The following PRODH2 variants were observed in gnomAD, a reference collection of about 807,000 sequenced individuals.
PRODH2 encodes proline dehydrogenase 2.
Under a neutral mutation model 51.9 loss-of-function variants are expected in PRODH2, and 49 were observed. That is an observed-to-expected ratio of 0.94 (90% CI 0.75 to 1.20). The LOEUF is 1.20. PRODH2 is among the 50% of genes most tolerant of loss of function. The pLI is 0.00. For missense variants in PRODH2, 597 were observed against 610.9 expected (o/e 0.98, Z 0.24); for synonymous variants, 249 against 260.7 (o/e 0.96, Z 0.43).
intron 4 of PRODH2, among the ~76,000 whole-genome samples, chr19:35,808,558 C>T (rs932940758): frequency 6.6e-6 from 1 of 152,036 alleles, no homozygotes; most frequent in African/African-American, 2.4e-5. Flanking sequence ...TAGTCTTAGG[C>T]CCTCAGGGAG....
chr19:35,801,002 A>C (rs1266270040), intron 9 of PRODH2, among the ~76,000 whole-genome samples: 1 of 152,144 alleles, frequency 6.6e-6, no homozygotes, highest in Non-Finnish European at 1.5e-5. Context: ...CCCCGTCTCT[A>C]CTAAAAATAC....
intron 4 of PRODH2, among the ~76,000 whole-genome samples, chr19:35,808,912 T>G (rs921633179): frequency 2.7e-5 from 4 of 150,910 alleles, no homozygotes; most frequent in Non-Finnish European, 5.9e-5. Context: ...CCTGATTAAC[T>G]GGGGCTACAG....
At chr19:35,811,041 A>C (rs965453125) in intron 4 of PRODH2, among the ~76,000 whole-genome samples, 9 of 152,184 alleles carry the variant, frequency 5.9e-5, no homozygotes, top group African/African-American at 2.2e-4. Flanking sequence ...GCACCAAAAA[A>C]TAAGATGGAT....
At chr19:35,809,975 A>AC (rs1972580772) in intron 4 of PRODH2, among the ~76,000 whole-genome samples, 1 of 134,472 alleles carries the variant, frequency 7.4e-6, no homozygotes, top group African/African-American at 2.8e-5. Flanking sequence ...AAAAAAAAAA[A>AC]AAAAAAAAAA....
chr19:35,802,613 G>GTGCA (rs1739420663), intron 8 of PRODH2: 1 of 447,022 alleles, frequency 2.2e-6, no homozygotes, highest in Admixed American at 3.4e-5. Context: ...CCAGGCTGGA[G>GTGCA]TGCAGTGGCT....
intron 9 of PRODH2, among the ~76,000 whole-genome samples, chr19:35,800,543 C>A (rs1376543657): frequency 1.3e-5 from 2 of 152,188 alleles, no homozygotes. Flanking sequence ...GCCACCATGC[C>A]CAGCCTGGAG....
intron 9 of PRODH2, among the ~76,000 whole-genome samples, chr19:35,801,571 A>G (rs1335786078): frequency 6.6e-6 from 1 of 152,188 alleles, no homozygotes; most frequent in Admixed American, 6.6e-5. Flanking sequence ...CCGAGGTGCT[A>G]TCTGATGAAT....
At chr19:35,800,886 A>G (rs567978759) in intron 9 of PRODH2, among the ~76,000 whole-genome samples, 5 of 151,996 alleles carry the variant, frequency 3.3e-5, no homozygotes, top group African/African-American at 9.6e-5. Flanking sequence ...TCAATTGATT[A>G]ATTAATTAAT....
chr19:35,812,638 C>A lies in PRODH2; in HGVS notation c.168G>T (p.Gly56=). ...CCTCAGGATCACTGCTCACCAACAG[C>A]CCGTGAGTGACGAGTGGGGGCCAGG... ...LCAWPPLVTH[G]LLLQAWSRRL... Residue 56 remains glycine (G), a synonymous_variant, in exon 1 of 10, where the codon GGG becomes GGT. Transcript: ENST00000653904. 1 of 1,593,104 alleles carries A rather than the reference C, an allele frequency of 6.3e-7. No homozygotes were observed. Among genetic ancestry groups the A allele is most frequent in the Non-Finnish European group, 8.6e-7 (1 of 1,166,830 alleles).
chr19:35,809,945 C>A (rs773258092), intron 4 of PRODH2, among the ~76,000 whole-genome samples: 95 of 104,208 alleles, frequency 9.1e-4, no homozygotes, highest in Middle Eastern at 0.021. Context: ...GGCAACAGAG[C>A]CAGATGCCGC....
chr19:35,800,398 G>A (rs542975170), intron 9 of PRODH2, among the ~76,000 whole-genome samples, 176 bp from the exon 10 acceptor site: 8 of 152,232 alleles, frequency 5.3e-5, no homozygotes, highest in African/African-American at 1.4e-4. Context: ...ATAGGCGCTT[G>A]CCACGACGCC....
chr19:35,804,114 C>A (rs987367322), intron 7 of PRODH2, among the ~76,000 whole-genome samples: 9 of 152,182 alleles, frequency 5.9e-5, no homozygotes, highest in Non-Finnish European at 1.0e-4. Context: ...CTAAGGTGGC[C>A]CCTCTCCTTC....
chr19:35,802,368 T>A, intron 8 of PRODH2, 92 bp from the exon 9 acceptor site: 2 of 1,084,092 alleles, frequency 1.8e-6, no homozygotes, highest in South Asian at 1.2e-5. Flanking sequence ...CTCCAGTAAT[T>A]CAAACATTGA....
Position 35,800,158 on chromosome 19 carries a change from G to A in PRODH2, c.1263C>T (p.Tyr421=). The A allele has an allele frequency of 6.2e-7, 1 of 1,604,774 alleles. No individual in the cohort carries two copies. The highest frequency in any genetic ancestry group is 8.5e-7 in the Non-Finnish European group (1 of 1,175,476). ...PYGSLEEVIP[Y]LIRRAQENRS... ...GGTTCTCCTGGGCCCTCCGGATCAG[G>A]TAGGGGATTACCTCCTCCAAGGAGC... The change falls in exon 10 of 10, where the codon TAC becomes TAT. Residue 421 remains tyrosine, a synonymous_variant. Transcript: ENST00000653904.
chr19:35,804,091 T>C (rs1291453704), intron 7 of PRODH2, among the ~76,000 whole-genome samples: 1 of 152,212 alleles, frequency 6.6e-6, no homozygotes, highest in Non-Finnish European at 1.5e-5. Context: ...GTTCTGTGTG[T>C]GGCCACAGCT....
intron 7 of PRODH2, among the ~76,000 whole-genome samples, chr19:35,804,935 C>T (rs1796233017): frequency 1.3e-5 from 2 of 151,884 alleles, no homozygotes; most frequent in African/African-American, 2.4e-5. Context: ...GACCCTGTCT[C>T]AAAAATAACT....
At chr19:35,804,773 C>T (rs1339212979) in intron 7 of PRODH2, among the ~76,000 whole-genome samples, 1 of 151,996 alleles carries the variant, frequency 6.6e-6, no homozygotes, top group East Asian at 1.9e-4. Context: ...CCCGTGTCTA[C>T]AAAAATAAAA....
chr19:35,808,134 G>A (rs141741966), intron 4 of PRODH2, among the ~76,000 whole-genome samples: 3 of 152,130 alleles, frequency 2.0e-5, no homozygotes, highest in Non-Finnish European at 4.4e-5. Flanking sequence ...ATGCTTCCTC[G>A]GCCCCTAGCA....
intron 7 of PRODH2, 43 bp downstream of exon 7, chr19:35,806,387 A>G: frequency 1.2e-6 from 2 of 1,609,254 alleles, no homozygotes. Context: ...CCCAACCACT[A>G]GGTGTTATTA....
Sources: allele counts gnomAD v4.1 joint callset (sites outside exome capture counted in the v4.1 genomes callset), GRCh38; gene constraint gnomAD v4.1.1; transcripts MANE v1.5; gene names NCBI Gene and HGNC (gene_info 2026-07-23, HGNC 2026-07-21).